The following ANXA4 variants were observed in gnomAD, a reference collection of about 807,000 sequenced individuals.
ANXA4 encodes 35-beta calcimedin.
In ANXA4, 39 loss-of-function variants were observed where a neutral mutation model predicts 49.8. The observed-to-expected ratio is 0.78, with a 90% confidence interval of 0.61 to 1.02. The LOEUF (loss-of-function observed/expected upper bound fraction) is 1.02. Ranked by LOEUF, ANXA4 falls within the 50% of genes least tolerant of loss-of-function variation. ANXA4 has a pLI of 0.00. For missense variants in ANXA4, 360 were observed against 410.1 expected (o/e 0.88, Z 1.05); for synonymous variants, 134 against 152.5 (o/e 0.88, Z 0.89).
chr2:69,734,692 C>A (rs1670196284), intron 3 of ANXA4, among the ~76,000 whole-genome samples: 1 of 152,150 alleles, frequency 6.6e-6, no homozygotes, highest in Admixed American at 6.5e-5. Flanking sequence ...GGACACTAGG[C>A]CACCATTTTC....
chr2:69,766,808 C>G (rs904010140), intron 1 of ANXA4, among the ~76,000 whole-genome samples: 1 of 152,122 alleles, frequency 6.6e-6, no homozygotes, highest in Admixed American at 6.5e-5. Flanking sequence ...GAAGGCAAAC[C>G]CATCACTCGC....
chr2:69,704,853 C>A (rs1678440448), intron 2 of ANXA4, among the ~76,000 whole-genome samples: 1 of 151,918 alleles, frequency 6.6e-6, no homozygotes, highest in Non-Finnish European at 1.5e-5. Context: ...TTCTTTTTGG[C>A]CTATTTTTGT....
At chr2:69,692,740 CTGAG>C (rs1458049312) in intron 2 of ANXA4, among the ~76,000 whole-genome samples, 7 of 152,310 alleles carry the variant, frequency 4.6e-5, no homozygotes, top group African/African-American at 1.7e-4. Context: ...CAAGTATATA[CTGAG>C]TATTTACAAT....
chr2:69,806,293 T>C, intron 4 of ANXA4, 92 bp from the exon 5 acceptor site: 1 of 862,700 alleles, frequency 1.2e-6, no homozygotes. Context: ...TGAAAGGGTC[T>C]TGGAGACCCC....
In ANXA4 at chr2:69,816,088, TG is replaced by T. The variant is rs753456742; in HGVS notation, c.535-12del. 2.5e-5 allele frequency: 40 copies of T among 1,611,012 alleles called. No individual in the cohort carries two copies. In the African/African-American group the frequency reaches 4.8e-4, roughly 19 times the overall value. ...TTTTTGGAATTTTAGACCTGTGCTTTGTTTGGCTTCAGGACCTGTATGAGGC... is the reference window on the plus strand; with the variant it reads ...TTTTTGGAATTTTAGACCTGTGCTTTTTTGGCTTCAGGACCTGTATGAGGC... On this transcript the variant is annotated splice_polypyrimidine_tract_variant and intron_variant, in intron 8 of 12. Coordinates refer to ENST00000394295, the MANE Select transcript of ANXA4 (RefSeq NM_001153.5).
At chr2:69,796,888 A>C (rs1403113292) in intron 3 of ANXA4, among the ~76,000 whole-genome samples, 1 of 152,116 alleles carries the variant, frequency 6.6e-6, no homozygotes, top group East Asian at 1.9e-4. Context: ...GAGCTGAGTC[A>C]ATTGTGCAGT....
intron 1 of ANXA4, among the ~76,000 whole-genome samples, chr2:69,749,436 G>A (rs1199452005): frequency 1.3e-5 from 2 of 152,110 alleles, no homozygotes; most frequent in Admixed American, 6.5e-5. Flanking sequence ...CATACACATT[G>A]CAGCCTTGTT....
intron 1 of ANXA4, among the ~76,000 whole-genome samples, chr2:69,771,109 G>GAAAAAAAA (rs70954358): frequency 9.5e-6 from 1 of 104,746 alleles, no homozygotes; most frequent in Non-Finnish European, 2.0e-5. Context: ...AAAAAAAAAA[G>GAAAAAAAA]AAAAAAAAAA....
chr2:69,781,600 A>G (rs1311108279), intron 2 of ANXA4, 26 bp downstream of exon 2: 1 of 1,613,860 alleles, frequency 6.2e-7, no homozygotes, highest in South Asian at 1.1e-5. Flanking sequence ...CCTCAACCCT[A>G]TCTGGTGCCA....
At chr2:69,725,604 G>C (rs570745946) in intron 3 of ANXA4, among the ~76,000 whole-genome samples, 1 of 152,014 alleles carries the variant, frequency 6.6e-6, no homozygotes, top group African/African-American at 2.4e-5. Flanking sequence ...CTTCCATCAC[G>C]CTGGTACATC....
intron 1 of ANXA4, among the ~76,000 whole-genome samples, chr2:69,743,342 C>T (rs1266435451): frequency 2.0e-5 from 3 of 152,200 alleles, no homozygotes; most frequent in Non-Finnish European, 1.5e-5. Context: ...CTCAGCCTCC[C>T]GAGTAGCTGG....
intron 2 of ANXA4, among the ~76,000 whole-genome samples, chr2:69,655,955 C>T (rs932265598): frequency 5.3e-5 from 8 of 151,828 alleles, no homozygotes; most frequent in Non-Finnish European, 8.8e-5. Flanking sequence ...TGTTCTCACT[C>T]GTAAGTGGGA....
At chr2:69,704,507 C>T (rs1235573034) in intron 2 of ANXA4, among the ~76,000 whole-genome samples, 1 of 152,114 alleles carries the variant, frequency 6.6e-6, no homozygotes, top group African/African-American at 2.4e-5. Flanking sequence ...TAATTGGCCT[C>T]GATAGACGAG....
At chr2:69,746,649 A>G (rs1402658734) in intron 1 of ANXA4, among the ~76,000 whole-genome samples, 1 of 152,166 alleles carries the variant, frequency 6.6e-6, no homozygotes, top group Non-Finnish European at 1.5e-5. Context: ...TAAAGATTCA[A>G]GTTGTTTGAT....
intron 2 of ANXA4, among the ~76,000 whole-genome samples, chr2:69,665,214 T>C (rs1676890156): frequency 6.6e-6 from 1 of 152,178 alleles, no homozygotes; most frequent in Non-Finnish European, 1.5e-5. Context: ...CTTTGGAGCA[T>C]ATAAGTACAT....
At chr2:69,816,227 G>C (rs757294226) in intron 9 of ANXA4, 33 bp downstream of exon 9, 4 of 1,586,884 alleles carry the variant, frequency 2.5e-6, no homozygotes, top group Non-Finnish European at 3.5e-6. Context: ...CAAAGAAAAG[G>C]AGTGAAAGAT....
intron 1 of ANXA4, among the ~76,000 whole-genome samples, chr2:69,762,927 G>GT (rs1271607734): frequency 6.6e-6 from 1 of 152,048 alleles, no homozygotes; most frequent in African/African-American, 2.4e-5. Flanking sequence ...TCCATCTGCC[G>GT]TAAGTCCGTT....
At chr2:69,795,314 T>C (rs1598179) in intron 3 of ANXA4, among the ~76,000 whole-genome samples, 44,220 of 152,074 alleles carry the variant, frequency 0.29, 7,746 homozygotes, top group African/African-American at 0.47. Flanking sequence ...CAAACAGGTA[T>C]TGAGAGTCAG....
intron 2 of ANXA4, among the ~76,000 whole-genome samples, chr2:69,694,515 C>T (rs1678091714): frequency 9.9e-6 from 1 of 101,450 alleles, no homozygotes; most frequent in Non-Finnish European, 2.0e-5. Flanking sequence ...ATCCCTCCCC[C>T]CTCCCCCCTC....
Sources: gnomAD v4.1 joint callset for allele counts (sites outside exome capture counted in the v4.1 genomes callset) on GRCh38, gnomAD v4.1.1 for gene constraint, MANE v1.5 for transcripts, NCBI Gene and HGNC (gene_info 2026-07-23, HGNC 2026-07-21) for gene names.